Variants in LRMDA observed in about 807,000 individuals in gnomAD.
The protein encoded by LRMDA is leucine-rich melanocyte differentiation-associated protein.
Under a neutral mutation model 29.8 loss-of-function variants are expected in LRMDA, and 18 were observed. The observed-to-expected ratio is 0.60, with a 90% CI of 0.42 to 0.90. LRMDA has a LOEUF of 0.90. Among genes scored for constraint, LRMDA ranks in the 40% least tolerant of loss-of-function variants. LRMDA has a pLI of 0.00. For missense variants in LRMDA, 273 were observed against 273.9 expected, an observed-to-expected ratio of 1.00 and a Z score of 0.02; for synonymous variants, 125 against 109.4, an observed-to-expected ratio of 1.14 and a Z score of -0.89.
intron 2 of LRMDA, among the ~76,000 whole-genome samples, chr10:75,779,390 A>G (rs1843352105): frequency 6.6e-6 from 1 of 152,210 alleles, no homozygotes; most frequent in Non-Finnish European, 1.5e-5. Context: ...TACCCAGGAA[A>G]AACAAGAAAC....
intron 5 of LRMDA, among the ~76,000 whole-genome samples, chr10:76,071,074 T>G (rs947429499): frequency 2.6e-5 from 4 of 152,310 alleles, no homozygotes; most frequent in Non-Finnish European, 4.4e-5. Context: ...CTCTTTCATT[T>G]GAGTGACCTC....
chr10:76,326,665 G>C (rs1330711567), intron 6 of LRMDA, among the ~76,000 whole-genome samples: 1 of 152,212 alleles, frequency 6.6e-6, no homozygotes, highest in African/African-American at 2.4e-5. Context: ...GCGGGCAGTA[G>C]TTCATGTGCA....
At position 75,701,089 on chromosome 10, in the gene LRMDA, G is replaced by A. The variant is rs1386721637; in HGVS notation, c.131+262595G>A. 5.9e-5 allele frequency among the ~76,000 whole-genome samples: 9 copies of A among 152,262 alleles called. No individual in the cohort carries two copies. The East Asian group carries it at 1.7e-3, about 29-fold the overall frequency. ...TCCTGCATTGAGTGTGACTGTGCTG[G>A]CCTTGGATGTCAGGTAGCAGGTGGC... On this transcript the variant is annotated intron_variant, in intron 2 of 6. Transcript: ENST00000611255.
At chr10:76,145,996 C>A (rs537743177) in intron 5 of LRMDA, among the ~76,000 whole-genome samples, 1 of 151,244 alleles carries the variant, frequency 6.6e-6, no homozygotes, top group African/African-American at 2.4e-5. Context: ...TGTAGTTGAG[C>A]GGTTTTGAGT....
At chr10:75,503,939 T>C (rs1214846056) in intron 2 of LRMDA, among the ~76,000 whole-genome samples, 1 of 152,066 alleles carries the variant, frequency 6.6e-6, no homozygotes, top group African/African-American at 2.4e-5. Context: ...GGGGTATTAA[T>C]GAAGCATAAG....
intron 6 of LRMDA, among the ~76,000 whole-genome samples, chr10:76,419,148 G>A (rs1842048320): frequency 6.6e-6 from 1 of 151,990 alleles, no homozygotes; most frequent in Non-Finnish European, 1.5e-5. Flanking sequence ...TATTCTATGG[G>A]TTTTCATAGA....
In LRMDA at chr10:76,054,715, A is replaced by C. The variant is rs144052113; in HGVS notation, c.399-3951A>C. On this transcript the variant is annotated intron_variant, in intron 4 of 6. Transcript: ENST00000611255. ...TTTATTTGAAAGAGTCTGTTGTCATAAAGACTTTTCTGCTACAAGCAGAAG... is the reference window on the plus strand; with the variant it reads ...TTTATTTGAAAGAGTCTGTTGTCATCAAGACTTTTCTGCTACAAGCAGAAG... 2.5e-3 allele frequency among the ~76,000 whole-genome samples: 372 copies of C among 151,214 alleles called. 2 individuals are homozygous for C. The highest frequency in any genetic ancestry group is 7.6e-3 in the African/African-American group (311 of 41,154).
At chr10:75,474,611 C>CAT in intron 2 of LRMDA, among the ~76,000 whole-genome samples, 1 of 152,230 alleles carries the variant, frequency 6.6e-6, no homozygotes, top group Non-Finnish European at 1.5e-5. Flanking sequence ...ACAGGTTAGA[C>CAT]TTGCTACTAC....
At chr10:76,524,668 T>A (rs1410892684) in intron 6 of LRMDA, among the ~76,000 whole-genome samples, 3 of 152,240 alleles carry the variant, frequency 2.0e-5, no homozygotes, top group African/African-American at 4.8e-5. Context: ...AATAACCATG[T>A]GTTCTCTTTT....
chr10:76,085,749 A>G (rs1013516386), intron 5 of LRMDA, among the ~76,000 whole-genome samples: 6 of 152,188 alleles, frequency 3.9e-5, no homozygotes, highest in Non-Finnish European at 7.4e-5. Context: ...TCTGCAGGGA[A>G]GACTTGGCCT....
At chr10:75,474,984 A>G (rs980157332) in intron 2 of LRMDA, among the ~76,000 whole-genome samples, 1 of 152,156 alleles carries the variant, frequency 6.6e-6, no homozygotes, top group Admixed American at 6.5e-5. Flanking sequence ...CTCTGTGTTC[A>G]TTGAAGGTGG....
At chr10:75,734,152 A>G (rs980963918) in intron 2 of LRMDA, among the ~76,000 whole-genome samples, 1 of 151,970 alleles carries the variant, frequency 6.6e-6, no homozygotes, top group Non-Finnish European at 1.5e-5. Flanking sequence ...TGGTCTTCTA[A>G]CTCTCCTGCT....
At chr10:76,429,948 C>T (rs1842173963) in intron 6 of LRMDA, among the ~76,000 whole-genome samples, 1 of 152,160 alleles carries the variant, frequency 6.6e-6, no homozygotes, top group African/African-American at 2.4e-5. Flanking sequence ...TCCGAGACAA[C>T]TATTTTTACT....
intron 5 of LRMDA, among the ~76,000 whole-genome samples, chr10:76,236,072 GAACTTA>G (rs1852147025): frequency 6.6e-6 from 1 of 152,138 alleles, no homozygotes; most frequent in African/African-American, 2.4e-5. Flanking sequence ...TAAAACGAGT[GAACTTA>G]GCCTCAGGCC....
At chr10:75,519,036 G>T (rs1564791007) in intron 2 of LRMDA, among the ~76,000 whole-genome samples, 1 of 152,130 alleles carries the variant, frequency 6.6e-6, no homozygotes, top group Non-Finnish European at 1.5e-5. Context: ...TTAATTCTGA[G>T]TTCTAATTTG....
At chr10:76,429,765 C>T (rs1265384060) in intron 6 of LRMDA, among the ~76,000 whole-genome samples, 1 of 152,134 alleles carries the variant, frequency 6.6e-6, no homozygotes, top group Non-Finnish European at 1.5e-5. Context: ...ATTAATAGAT[C>T]AGCCATGGGG....
At position 76,012,135 on chromosome 10, in the gene LRMDA, G is replaced by A. The variant is rs543812483; in HGVS notation, c.132-23873G>A. 1.2e-4 allele frequency among the ~76,000 whole-genome samples: 18 copies of A among 152,300 alleles called. 1 individual carries two copies. The highest frequency in any genetic ancestry group is 8.3e-4 in the South Asian group (4 of 4,826). The stretch of plus-strand genomic sequence containing the variant: ...CTTGCCCAAAGCTGGTTCCTGGAGC[G>A]CAGTTAAGTAAAGTCCTGCTGTCAA... On this transcript the variant is annotated intron_variant, in intron 2 of 6. Coordinates refer to ENST00000611255, the MANE Select transcript of LRMDA (RefSeq NM_001305581.2).
chr10:75,567,270 G>GC (rs1317942177), intron 2 of LRMDA, among the ~76,000 whole-genome samples: 2 of 152,188 alleles, frequency 1.3e-5, no homozygotes, highest in Non-Finnish European at 2.9e-5. Flanking sequence ...ACATTCAGGT[G>GC]CCCTTGCCTT....
chr10:75,730,592 A>G (rs914063076), intron 2 of LRMDA, among the ~76,000 whole-genome samples: 7 of 152,200 alleles, frequency 4.6e-5, no homozygotes, highest in Middle Eastern at 6.8e-3. Flanking sequence ...CCTGTCTCTC[A>G]TCCTACTTCC....
Sources: gnomAD v4.1 joint callset for allele counts (sites outside exome capture counted in the v4.1 genomes callset) on GRCh38, gnomAD v4.1.1 for gene constraint, MANE v1.5 for transcripts, NCBI Gene and HGNC (gene_info 2026-07-23, HGNC 2026-07-21) for gene names.